The following IL33 variants were observed in gnomAD, a reference collection of about 807,000 sequenced individuals.
The protein encoded by IL33 is interleukin 33, also known as interleukin-33.
Under a neutral mutation model 27.3 loss-of-function variants are expected in IL33, and 37 were observed. The ratio of observed to expected loss-of-function variants is 1.36; its 90% CI spans 1.04 to 1.78. IL33 has a LOEUF of 1.78. IL33 is among the 40% of genes most tolerant of loss of function. The pLI is 0.00. For synonymous variants in IL33, 132 were observed against 102.9 expected (o/e 1.28, Z -1.71); for missense variants, 406 against 311.4 (o/e 1.30, Z -2.29).
In IL33 at chr9:6,242,939, T is replaced by C. The variant is rs117414011; in HGVS notation, c.91+1154T>C. Reference sequence around the variant, plus strand: ...GAAACCAGTATGTGCAGAGGTCACATAGGGGGAGAACAGAGGGAGAACAGA... The same window carrying C: ...GAAACCAGTATGTGCAGAGGTCACACAGGGGGAGAACAGAGGGAGAACAGA... On this transcript the variant is annotated intron_variant, in intron 2 of 7. Transcript: ENST00000682010. Among the ~76,000 whole-genome samples, 315 of 152,208 alleles carry C rather than the reference T, an allele frequency of 2.1e-3. 8 individuals are homozygous for C. In the East Asian group the frequency reaches 0.051, roughly 25 times the overall value.
chr9:6,247,963 G>T (rs1230060238), intron 2 of IL33, among the ~76,000 whole-genome samples: 1 of 151,358 alleles, frequency 6.6e-6, no homozygotes, highest in Non-Finnish European at 1.5e-5. Flanking sequence ...CCTCAGTATT[G>T]TGACCCTCAC....
chr9:6,252,995 GATT>G lies in IL33; in HGVS notation c.469+8_469+10del. Reference sequence around the variant, plus strand: ...TTGAAAAAAGATGAAAAGAAAGGTAGATTATTTTCTTTTTCTATAATAATGTAA... The same window carrying G: ...TTGAAAAAAGATGAAAAGAAAGGTAGATTTTCTTTTTCTATAATAATGTAA... On this transcript the variant is annotated splice_donor_5th_base_variant and intron_variant, in intron 5 of 7. Transcript: ENST00000682010. 1 of 1,481,696 alleles carries G rather than the reference GATT, an allele frequency of 6.7e-7. No homozygotes were observed. The highest frequency in any genetic ancestry group is 1.2e-5 in the South Asian group (1 of 80,746). The allele number at this position is 1,481,696 out of a possible 1,614,324, so 91.8% of individuals were successfully genotyped here. A position where few individuals can be genotyped will look rare whatever the true frequency, so the allele number is the denominator to read the frequency against.
intron 1 of IL33, among the ~76,000 whole-genome samples, chr9:6,216,176 G>T (rs1180115636): frequency 6.6e-6 from 1 of 152,070 alleles, no homozygotes; most frequent in Non-Finnish European, 1.5e-5. Flanking sequence ...TGTAGCGCAG[G>T]CTGGAGCACA....
chr9:6,239,388 G>A (rs1819403640), intron 1 of IL33, among the ~76,000 whole-genome samples: 1 of 152,062 alleles, frequency 6.6e-6, no homozygotes, highest in African/African-American at 2.4e-5. Flanking sequence ...GCACAGTAAG[G>A]GAAGTCAAAC....
At chr9:6,250,962 T>C (rs1564071708) in intron 3 of IL33, among the ~76,000 whole-genome samples, 178 bp from the exon 4 acceptor site, 1 of 152,084 alleles carries the variant, frequency 6.6e-6, no homozygotes, top group South Asian at 2.1e-4. Flanking sequence ...CTCTAATGAG[T>C]GTGCTTCTAC....
In IL33 at chr9:6,254,515, T is replaced by A. The variant is rs1200692846; in HGVS notation, c.574T>A (p.Phe192Ile). 4 of 1,597,628 alleles carry A rather than the reference T, an allele frequency of 2.5e-6. No individual in the cohort carries two copies. The African/African-American group carries it at 5.4e-5, about 21-fold the overall frequency. Residue 192 changes from phenylalanine to isoleucine, a missense_variant, in exon 7 of 8, where the codon TTC (phenylalanine) becomes ATC (isoleucine). Transcript: ENST00000682010. ...LMVTLSPTKD[F>I]WLHANNKEHS... ...GGTAACCCTGAGTCCTACAAAAGAC[T>A]TCTGGTTGCATGCCAACAACAAGGA...
chr9:6,233,221 A>C (rs10975501), intron 1 of IL33, among the ~76,000 whole-genome samples: 139,637 of 152,210 alleles, frequency 0.92, 64,269 homozygotes, highest in East Asian at 1. Flanking sequence ...TCCCACTTAT[A>C]CTTAAAACTT....
At chr9:6,232,844 C>CA (rs1049781916) in intron 1 of IL33, among the ~76,000 whole-genome samples, 1 of 152,096 alleles carries the variant, frequency 6.6e-6, no homozygotes, top group Non-Finnish European at 1.5e-5. Context: ...GCAGTTCACC[C>CA]AAAAAATCTC....
intron 1 of IL33, among the ~76,000 whole-genome samples, chr9:6,240,387 T>A (rs1167780720): frequency 6.6e-6 from 1 of 152,156 alleles, no homozygotes; most frequent in East Asian, 1.9e-4. Flanking sequence ...TACAGTCAAC[T>A]GGGATCAATA....
intron 7 of IL33, among the ~76,000 whole-genome samples, chr9:6,254,958 T>C (rs1381822397): frequency 2.0e-5 from 3 of 152,202 alleles, no homozygotes. Flanking sequence ...GGAACTACTA[T>C]GTTCCTCTAG....
chr9:6,219,386 G>A (rs1818316160), intron 1 of IL33, among the ~76,000 whole-genome samples: 1 of 152,012 alleles, frequency 6.6e-6, no homozygotes, highest in African/African-American at 2.4e-5. Flanking sequence ...GGGGAGTGAG[G>A]AATTGGGGGC....
intron 6 of IL33, among the ~76,000 whole-genome samples, chr9:6,253,953 A>G (rs1293496678): frequency 6.6e-6 from 1 of 152,214 alleles, no homozygotes; most frequent in Non-Finnish European, 1.5e-5. Flanking sequence ...GTTCAAGAGT[A>G]CTTGGGAGCA....
At chr9:6,226,820 C>T (rs1012265650) in intron 1 of IL33, among the ~76,000 whole-genome samples, 2 of 152,172 alleles carry the variant, frequency 1.3e-5, no homozygotes, top group Non-Finnish European at 2.9e-5. Flanking sequence ...GGGTTCTCAC[C>T]ATGGTGTCTG....
intron 1 of IL33, among the ~76,000 whole-genome samples, chr9:6,238,180 T>G (rs568302081): frequency 6.6e-6 from 1 of 152,308 alleles, no homozygotes; most frequent in African/African-American, 2.4e-5. Context: ...GTCAGGAGGC[T>G]AGATTCTGTT....
intron 1 of IL33, among the ~76,000 whole-genome samples, chr9:6,220,889 G>A (rs967549657): frequency 2.7e-4 from 41 of 152,214 alleles, no homozygotes; most frequent in Admixed American, 2.2e-3. Flanking sequence ...AAGTAGCTGA[G>A]ACCACAGCCA....
At chr9:6,251,291 G>A (rs1173487811) in intron 4 of IL33, 26 bp downstream of exon 4, 3 of 1,610,692 alleles carry the variant, frequency 1.9e-6, no homozygotes, top group Non-Finnish European at 2.5e-6. Context: ...GGGGTGATGT[G>A]GGAGTGAGGA....
At chr9:6,226,232 T>G (rs1818622495) in intron 1 of IL33, among the ~76,000 whole-genome samples, 1 of 151,942 alleles carries the variant, frequency 6.6e-6, no homozygotes, top group Non-Finnish European at 1.5e-5. Context: ...CAGGCTAGTC[T>G]TAAAACTCCT....
At chr9:6,233,249 C>G (rs1265024868) in intron 1 of IL33, among the ~76,000 whole-genome samples, 1 of 152,174 alleles carries the variant, frequency 6.6e-6, no homozygotes, top group East Asian at 1.9e-4. Context: ...ATGCTTATTT[C>G]TCTTAATCTC....
Position 6,253,558 on chromosome 9 carries a change from T to C in IL33, c.476T>C (p.Val159Ala). Reference protein sequence around the residue: ...DLKKDEKKDKVLLSYYESQHP... With the variant: ...DLKKDEKKDKALLSYYESQHP... Reference sequence around the variant, plus strand: ...TTTATGCATTCTCTTTCAGATAAGGTGTTACTGAGTTACTATGAGTCTCAA... The same window carrying C: ...TTTATGCATTCTCTTTCAGATAAGGCGTTACTGAGTTACTATGAGTCTCAA... Residue 159 changes from valine (V) to alanine (A), a missense_variant, in exon 6 of 8, where the codon GTG (valine) becomes GCG (alanine). Val to Ala is a moderately conservative substitution (Grantham distance 64, BLOSUM62 0). Coordinates refer to ENST00000682010, the MANE Select transcript of IL33 (RefSeq NM_033439.4). The C allele has an allele frequency of 6.2e-7, 1 of 1,606,266 alleles. No homozygotes were observed.
Sources: gnomAD v4.1 joint callset for allele counts (sites outside exome capture counted in the v4.1 genomes callset) on GRCh38, gnomAD v4.1.1 for gene constraint, MANE v1.5 for transcripts, NCBI Gene and HGNC (gene_info 2026-07-23, HGNC 2026-07-21) for gene names.